Variants in TSHR observed in about 807,000 individuals in gnomAD.
TSHR encodes thyroid stimulating hormone receptor, also known as thyrotropin receptor.
A neutral mutation model predicts 64.1 loss-of-function variants in TSHR; 51 were observed. That is an observed-to-expected ratio of 0.80 (90% confidence interval 0.64 to 1.01). The LOEUF is 1.01. Ranked by LOEUF, TSHR falls within the 50% of genes least tolerant of loss-of-function variation. The probability of loss-of-function intolerance (pLI) is 0.00; values close to 1 mark genes in which losing one functional copy is unlikely to be tolerated. For synonymous variants in TSHR, 361 were observed against 361.9 expected (o/e 1.00, Z 0.03); for missense variants, 877 against 942.8 (o/e 0.93, Z 0.91).
intron 1 of TSHR, among the ~76,000 whole-genome samples, chr14:81,034,290 G>A (rs1451539237): frequency 6.6e-6 from 1 of 152,180 alleles, no homozygotes; most frequent in East Asian, 1.9e-4. Flanking sequence ...TCTATTCAAG[G>A]ATTTTATGTC....
chr14:81,037,420 A>AAAAC (rs370208073), intron 1 of TSHR, among the ~76,000 whole-genome samples: 2,949 of 140,778 alleles, frequency 0.021, 212 homozygotes, highest in African/African-American at 0.075. Flanking sequence ...AAGGAAATAC[A>AAAAC]AAACAAACAA....
intron 1 of TSHR, among the ~76,000 whole-genome samples, chr14:81,011,682 T>A (rs1453048145): frequency 1.3e-5 from 2 of 152,130 alleles, no homozygotes; most frequent in Admixed American, 1.3e-4. Context: ...AAAGGAATAG[T>A]AATTATAATT....
At position 80,955,735 on chromosome 14, in the gene TSHR, C is replaced by T; in HGVS notation, c.55C>T (p.Leu19=). Residue 19 remains leucine, a synonymous_variant, in exon 1 of 10, where the codon CTG becomes TTG. Transcript: ENST00000298171. The stretch of plus-strand genomic sequence containing the variant: ...GCTGCTGCTCGACCTGCCCAGGGAC[C>T]TGGGCGGAATGGGGTGTTCGTCTCC... ...LVLLLDLPRD[L]GGMGCSSPPC... 2 of 1,614,182 alleles carry T rather than the reference C, an allele frequency of 1.2e-6. No homozygotes were observed. The highest frequency in any genetic ancestry group is 1.7e-6 in the Non-Finnish European group (2 of 1,180,032).
At chr14:81,111,372 C>T (rs1890218119) in intron 8 of TSHR, among the ~76,000 whole-genome samples, 1 of 152,154 alleles carries the variant, frequency 6.6e-6, no homozygotes, top group South Asian at 2.1e-4. Context: ...TAGCAGTAGT[C>T]TAGATGATTA....
At chr14:81,130,998 CAAA>C (rs76794218) in intron 8 of TSHR, among the ~76,000 whole-genome samples, 4 of 67,358 alleles carry the variant, frequency 5.9e-5, no homozygotes, top group Admixed American at 3.6e-4. Flanking sequence ...ACTCCGTCTC[CAAA>C]AAAAAAAAAA....
rs76576551 is a variant in TSHR at position 81,020,253 on chromosome 14, A to C, written c.171-41895A>C. Among the ~76,000 whole-genome samples, 460 of 152,316 alleles carry C rather than the reference A, an allele frequency of 3.0e-3. 2 individuals are homozygous for C. Among genetic ancestry groups the C allele is most frequent in the African/African-American group, 0.01 (435 of 41,558 alleles). On this transcript the variant is annotated intron_variant, in intron 1 of 9. Coordinates refer to ENST00000298171, the MANE Select transcript of TSHR (RefSeq NM_000369.5). ...CAAAATGTTCTAAAAGACTGTGGGG[A>C]ATTAGCAATTCCTTTTAGAACAGGA...
chr14:80,977,006 G>A (rs544259336), intron 1 of TSHR, among the ~76,000 whole-genome samples: 20 of 152,350 alleles, frequency 1.3e-4, no homozygotes, highest in African/African-American at 3.1e-4. Context: ...TGGCATTCCG[G>A]TTGTGCCTTT....
At chr14:81,032,925 A>G in intron 1 of TSHR, 1 of 357,886 alleles carries the variant, frequency 2.8e-6, no homozygotes, top group Non-Finnish European at 5.5e-6. Context: ...CATGAGCTGA[A>G]CAAAGACAAG....
intron 1 of TSHR, chr14:81,050,214 A>G (rs1217494801): frequency 1.3e-5 from 2 of 152,230 alleles, no homozygotes; most frequent in East Asian, 3.8e-4. Context: ...GGAAAAGTGG[A>G]GTCAGAGATG....
intron 8 of TSHR, among the ~76,000 whole-genome samples, chr14:81,132,197 T>C (rs1232902287): frequency 1.3e-5 from 2 of 152,240 alleles, no homozygotes; most frequent in African/African-American, 4.8e-5. Flanking sequence ...TGCGCATTTA[T>C]AATGGAGCAG....
chr14:81,143,047 T>G lies in TSHR; in HGVS notation c.989T>G (p.Leu330Arg). 6.2e-7 allele frequency: 1 copy of G among 1,614,184 alleles called. No homozygotes were observed. The highest frequency in any genetic ancestry group is 1.7e-5 in the Admixed American group (1 of 60,022). Reference sequence around the variant, plus strand: ...CTCCACCAGGAATATGAAGAGAATCTGGGTGACAGCATTGTTGGGTACAAG... The same window carrying G: ...CTCCACCAGGAATATGAAGAGAATCGGGGTGACAGCATTGTTGGGTACAAG... The part of the protein sequence containing the change: ...SPLHQEYEEN[L>R]GDSIVGYKEK... The change falls in exon 10 of 10, where the codon CTG (leucine) becomes CGG (arginine). Residue 330 changes from leucine (L) to arginine (R), a missense_variant. Coordinates refer to ENST00000298171, the MANE Select transcript of TSHR (RefSeq NM_000369.5).
At position 81,139,725 on chromosome 14, in the gene TSHR, G is replaced by A. The variant is rs747590314; in HGVS notation, c.739G>A (p.Glu247Lys). 1 of 1,614,140 alleles carries A rather than the reference G, an allele frequency of 6.2e-7. No individual in the cohort carries two copies. Among genetic ancestry groups the A allele is most frequent in the Non-Finnish European group, 8.5e-7 (1 of 1,180,032 alleles). The change falls in exon 9 of 10, where the codon GAG becomes AAG. Residue 247 changes from glutamate (E) to lysine (K), a missense_variant. By Grantham distance (56) the Glu-to-Lys change is moderately conservative. Coordinates refer to ENST00000298171, the MANE Select transcript of TSHR (RefSeq NM_000369.5). Reference sequence around the variant, plus strand: ...CACTGCCCTTCCATCCAAAGGCCTGGAGCACCTGAAGGAACTGATAGCAAG... The same window carrying A: ...CACTGCCCTTCCATCCAAAGGCCTGAAGCACCTGAAGGAACTGATAGCAAG... ...SVTALPSKGL[E>K]HLKELIARNT...
rs2288493 is a variant in TSHR, at chr14:81,145,262, C to T, written c.*909C>T. On this transcript the variant is annotated 3_prime_UTR_variant, in exon 10 of 10. Transcript: ENST00000298171. ...TTCTTCCAATTTTAAAACTCTAGTA[C>T]ATCCCTTTCCCTCAAATATATATTT... 38,677 of 232,862 alleles carry T rather than the reference C, an allele frequency of 0.17. 3,861 individuals are homozygous for T. The highest frequency in any genetic ancestry group is 0.28 in the East Asian group (4,549 of 16,498). 14.4% of individuals were successfully genotyped at this position (232,862 alleles called of 1,614,324 possible). A position where few individuals can be genotyped will look rare whatever the true frequency, so the allele number is the denominator to read the frequency against.
chr14:80,972,311 A>G (rs749710170), intron 1 of TSHR, among the ~76,000 whole-genome samples: 1 of 151,800 alleles, frequency 6.6e-6, no homozygotes, highest in Non-Finnish European at 1.5e-5. Flanking sequence ...TTGCTCAGTT[A>G]TGTGTTTGTA....
chr14:81,068,039 T>A (rs1035633042), intron 2 of TSHR, among the ~76,000 whole-genome samples: 7 of 148,290 alleles, frequency 4.7e-5, no homozygotes, highest in African/African-American at 1.8e-4. Context: ...TAATTTCAGA[T>A]AAATAGGAGT....
chr14:81,094,112 A>T (rs1888972869), intron 6 of TSHR: 1 of 152,192 alleles, frequency 6.6e-6, no homozygotes, highest in African/African-American at 2.4e-5. Flanking sequence ...ATCTTTTCAG[A>T]TGATTATTTC....
At chr14:81,136,264 G>A (rs946629227) in intron 8 of TSHR, among the ~76,000 whole-genome samples, 1 of 152,196 alleles carries the variant, frequency 6.6e-6, no homozygotes, top group East Asian at 1.9e-4. Context: ...AAAGTGGACA[G>A]GAAAGATATT....
chr14:81,125,847 G>A (rs2140075169), intron 8 of TSHR, among the ~76,000 whole-genome samples: 1 of 151,960 alleles, frequency 6.6e-6, no homozygotes, highest in Non-Finnish European at 1.5e-5. Context: ...AGCAACTGAA[G>A]TAGGTCATCC....
intron 5 of TSHR, among the ~76,000 whole-genome samples, 152 bp from the exon 6 acceptor site, chr14:81,092,378 GC>G (rs1888810610): frequency 6.6e-6 from 1 of 152,166 alleles, no homozygotes; most frequent in Non-Finnish European, 1.5e-5. Flanking sequence ...AGACCTCTGA[GC>G]CACTAGCGGT....
Sources: gnomAD v4.1 joint callset for allele counts (sites outside exome capture counted in the v4.1 genomes callset) on GRCh38, gnomAD v4.1.1 for gene constraint, MANE v1.5 for transcripts, NCBI Gene and HGNC (gene_info 2026-07-23, HGNC 2026-07-21) for gene names.